The following SLC8A1 variants were observed in gnomAD, a reference collection of about 807,000 sequenced individuals.
The protein encoded by SLC8A1 is solute carrier family 8 member A1.
In SLC8A1, 18 loss-of-function variants were observed where a neutral mutation model predicts 68.3. That is an observed-to-expected ratio of 0.26 (90% CI 0.18 to 0.39). The LOEUF is 0.39. Among genes scored for constraint, SLC8A1 ranks in the 10% least tolerant of loss-of-function variants. The pLI, the probability that SLC8A1 is intolerant of heterozygous loss-of-function variation, is 1.00. For synonymous variants in SLC8A1, 475 were observed against 415.5 expected (o/e 1.14, Z -1.74); for missense variants, 985 against 1,156.7 (o/e 0.85, Z 2.15).
intron 2 of SLC8A1, among the ~76,000 whole-genome samples, chr2:40,339,866 T>C (rs1667142331): frequency 6.6e-6 from 1 of 152,164 alleles, no homozygotes. Context: ...AGAAAACAAA[T>C]ATTCAAAATG....
At chr2:40,419,943 A>C (rs1695012320) in intron 2 of SLC8A1, among the ~76,000 whole-genome samples, 2 of 152,178 alleles carry the variant, frequency 1.3e-5, no homozygotes, top group Admixed American at 1.3e-4. Flanking sequence ...AAGGTAAAAA[A>C]TTTAATAAAA....
At chr2:40,249,864 T>C (rs776734562) in intron 2 of SLC8A1, among the ~76,000 whole-genome samples, 6 of 152,130 alleles carry the variant, frequency 3.9e-5, no homozygotes, top group South Asian at 4.1e-4. Flanking sequence ...AAATGACTAA[T>C]TGATGTTCAA....
chr2:40,143,721 T>A (rs573163174), intron 6 of SLC8A1, among the ~76,000 whole-genome samples: 4 of 152,180 alleles, frequency 2.6e-5, no homozygotes, highest in Non-Finnish European at 5.9e-5. Context: ...AGCAAGAGCA[T>A]CATCAGCATG....
intron 3 of SLC8A1, among the ~76,000 whole-genome samples, chr2:40,176,224 T>TA (rs569500217): frequency 3.5e-4 from 53 of 152,242 alleles, no homozygotes; most frequent in Non-Finnish European, 5.4e-4. Flanking sequence ...GGATACTTTC[T>TA]AAAAAAAGTC....
chr2:40,235,413 G>A lies in SLC8A1; in HGVS notation c.1809-57558C>T, dbSNP rs2060229151. ...GAGGTGTTTGTAGTATTCTCTGATG[G>A]TAGTTTGTATTTCTGTGGGATCGGT... On this transcript the variant is annotated intron_variant, in intron 2 of 7. Coordinates refer to ENST00000406785, the Ensembl canonical transcript of SLC8A1. Among the ~76,000 whole-genome samples, 5 of 151,818 alleles carry A rather than the reference G, an allele frequency of 3.3e-5. No homozygotes were observed. In the South Asian group the frequency reaches 1.0e-3, roughly 32 times the overall value.
chr2:40,483,877 T>G lies in SLC8A1; in HGVS notation c.-25+28472A>C, dbSNP rs76555636. ...AGAAATCCTGGTGATTATAAGCCAC[T>G]GTATCAGCCCTGAATTGCTTATCTC... On this transcript the variant is annotated intron_variant, in intron 1 of 7. Coordinates refer to the SLC8A1 transcript ENST00000402441. Among the ~76,000 whole-genome samples the G allele has an allele frequency of 5.6e-4, 86 of 152,320 alleles. No individual in the cohort carries two copies. In the East Asian group the frequency reaches 0.014, roughly 25 times the overall value.
chr2:40,455,257 G>A (rs1702930301), upstream of SLC8A1, among the ~76,000 whole-genome samples: 1 of 152,180 alleles, frequency 6.6e-6, no homozygotes. Flanking sequence ...ATTTAGACAT[G>A]TGATCAGGTT....
rs1172909749 is a variant in SLC8A1 at position 40,361,887 on chromosome 2, C to CTTTTTTTTTTTTTTTT, written c.1808+66570_1808+66585dup. ...GTCAGATGTTTATATCTTTTCTTTCCTTTTTTTTTTTTTTTTTTTTTTTTT... is the reference window on the plus strand; with the variant it reads ...GTCAGATGTTTATATCTTTTCTTTCCTTTTTTTTTTTTTTTTTTTTTTTTTTTTTTTTTTTTTTTTT... On this transcript the variant is annotated intron_variant, in intron 2 of 7. Coordinates refer to ENST00000406785, the Ensembl canonical transcript of SLC8A1. 2.3e-4 allele frequency among the ~76,000 whole-genome samples: 12 copies of CTTTTTTTTTTTTTTTT among 53,124 alleles called. 1 individual carries two copies. Among genetic ancestry groups the CTTTTTTTTTTTTTTTT allele is most frequent in the Admixed American group, 5.3e-4 (2 of 3,776 alleles). The allele number at this position is 53,124 out of a possible 152,430, so 34.9% of individuals were successfully genotyped here.
intron 7 of SLC8A1, among the ~76,000 whole-genome samples, chr2:40,136,917 A>G (rs2040603263): frequency 6.6e-6 from 1 of 152,222 alleles, no homozygotes; most frequent in Admixed American, 6.5e-5. Flanking sequence ...TATTGCAGCA[A>G]ATTATGGAAT....
intron 2 of SLC8A1, among the ~76,000 whole-genome samples, chr2:40,224,629 C>T (rs1382698102): frequency 6.6e-6 from 1 of 152,068 alleles, no homozygotes; most frequent in Non-Finnish European, 1.5e-5. Flanking sequence ...ACTAGACAAA[C>T]TGATTGCTTA....
At chr2:40,461,565 T>A (rs1435101096) in intron 1 of SLC8A1, among the ~76,000 whole-genome samples, 1 of 152,220 alleles carries the variant, frequency 6.6e-6, no homozygotes, top group Non-Finnish European at 1.5e-5. Flanking sequence ...CATTTAAATT[T>A]ACTGTGAGTG....
intron 1 of SLC8A1, among the ~76,000 whole-genome samples, chr2:40,442,864 T>G (rs1700761536): frequency 6.6e-6 from 1 of 152,054 alleles, no homozygotes; most frequent in Non-Finnish European, 1.5e-5. Context: ...CAAATGCCCA[T>G]CAACGAGAGG....
At chr2:40,413,788 C>G (rs1247892625) in intron 2 of SLC8A1, among the ~76,000 whole-genome samples, 2 of 152,044 alleles carry the variant, frequency 1.3e-5, no homozygotes, top group Non-Finnish European at 2.9e-5. Context: ...GTTCATAAGG[C>G]AAATTTTTAT....
chr2:40,119,498 T>A (rs1265077622), intron 7 of SLC8A1, among the ~76,000 whole-genome samples: 1 of 152,210 alleles, frequency 6.6e-6, no homozygotes, highest in African/African-American at 2.4e-5. Flanking sequence ...ACATACCATA[T>A]GTTAGGTGCT....
intron 2 of SLC8A1, among the ~76,000 whole-genome samples, chr2:40,234,388 TG>T (rs1448258162): frequency 1.3e-5 from 2 of 152,112 alleles, no homozygotes; most frequent in Non-Finnish European, 2.9e-5. Flanking sequence ...ACTCATGATT[TG>T]GCTCTCTGTT....
chr2:40,204,597 G>A (rs778390952), intron 2 of SLC8A1, among the ~76,000 whole-genome samples: 52 of 152,016 alleles, frequency 3.4e-4, no homozygotes, highest in Middle Eastern at 3.4e-3. Context: ...TCCCTTTGGC[G>A]GAGCTAATGT....
At chr2:40,504,661 G>T (rs1157492047) in intron 1 of SLC8A1, among the ~76,000 whole-genome samples, 2 of 151,976 alleles carry the variant, frequency 1.3e-5, no homozygotes, top group Non-Finnish European at 2.9e-5. Context: ...GATTTGAATA[G>T]ACAGTTCTCA....
chr2:40,440,447 T>C (rs1700253678), intron 1 of SLC8A1, among the ~76,000 whole-genome samples: 1 of 152,168 alleles, frequency 6.6e-6, no homozygotes, highest in Non-Finnish European at 1.5e-5. Context: ...ATTATTTTCA[T>C]CAATATCAAT....
chr2:40,220,371 T>C (rs1558812848), intron 2 of SLC8A1: 1 of 152,166 alleles, frequency 6.6e-6, no homozygotes, highest in Non-Finnish European at 1.5e-5. Flanking sequence ...GCACTATTTT[T>C]AAAGGAGGTC....
Sources: gnomAD v4.1 joint callset for allele counts (sites outside exome capture counted in the v4.1 genomes callset) on GRCh38, gnomAD v4.1.1 for gene constraint, MANE v1.5 for transcripts, NCBI Gene and HGNC (gene_info 2026-07-23, HGNC 2026-07-21) for gene names.